The following PBRM1 variants were observed in gnomAD, a reference collection of about 807,000 sequenced individuals.
PBRM1 encodes the protein protein polybromo-1.
A neutral mutation model predicts 194.5 loss-of-function variants in PBRM1; 27 were observed. The ratio of observed to expected loss-of-function variants is 0.14; its 90% confidence interval spans 0.10 to 0.19. The LOEUF is 0.19. Ranked by LOEUF, PBRM1 falls within the 10% of genes least tolerant of loss-of-function variation. The pLI, the probability that PBRM1 is intolerant of heterozygous loss-of-function variation, is 1.00. For missense variants in PBRM1, 1,466 were observed against 2,077.2 expected, an observed-to-expected ratio of 0.71 and a Z score of 5.72; for synonymous variants, 655 against 693.2, an observed-to-expected ratio of 0.94 and a Z score of 0.87.
rs35225119 is a variant in PBRM1, at chr3:52,589,449, A to T, written c.2780-194T>A. ...TAGCCTCTACTCAAAACTATCTTTG[A>T]ATTACAACCATCATTAATTTAAATG... On this transcript the variant is annotated intron_variant, in intron 17 of 29. Transcript: ENST00000296302. 0.06 allele frequency among the ~76,000 whole-genome samples: 9,111 copies of T among 152,322 alleles called. 360 individuals carry two copies. The highest frequency in any genetic ancestry group is 0.084 in the Non-Finnish European group (5,746 of 68,024).
At chr3:52,641,330 CCA>C (rs1200499549) in intron 10 of PBRM1, among the ~76,000 whole-genome samples, 1 of 150,892 alleles carries the variant, frequency 6.6e-6, no homozygotes, top group Non-Finnish European at 1.5e-5. Context: ...GTCTGTAGTC[CCA>C]GTTACTCAGG....
chr3:52,653,097 T>C (rs1427868879), intron 5 of PBRM1, among the ~76,000 whole-genome samples: 1 of 152,212 alleles, frequency 6.6e-6, no homozygotes, highest in African/African-American at 2.4e-5. Context: ...AAATGCTCTT[T>C]AGGAGTTTGT....
At chr3:52,684,159 C>A (rs1489037792), upstream of PBRM1, among the ~76,000 whole-genome samples, 3 of 104,318 alleles carry the variant, frequency 2.9e-5, no homozygotes, top group African/African-American at 3.9e-5. Context: ...CAAAGTCAGA[C>A]CTTGTCTCAA....
intron 20 of PBRM1, 78 bp downstream of exon 22, chr3:52,586,347 G>A (rs2092390739): frequency 8.1e-7 from 1 of 1,233,054 alleles, no homozygotes; most frequent in African/African-American, 1.5e-5. Flanking sequence ...TTCTAAGTTT[G>A]AATACTTTAT....
chr3:52,557,054 C>T (rs1299535236), intron 26 of PBRM1, among the ~76,000 whole-genome samples: 3 of 151,816 alleles, frequency 2.0e-5, no homozygotes, highest in South Asian at 2.1e-4. Context: ...ACAATGTCAA[C>T]GAGGGAATTC....
intron 15 of PBRM1, among the ~76,000 whole-genome samples, chr3:52,611,258 G>T (rs1398248273): frequency 1.3e-5 from 2 of 152,040 alleles, no homozygotes; most frequent in Non-Finnish European, 2.9e-5. Flanking sequence ...AGCTAATAAG[G>T]AATAAAATTA....
chr3:52,682,511 T>C (rs115986903), upstream of PBRM1, among the ~76,000 whole-genome samples: 156 of 152,252 alleles, frequency 1.0e-3, no homozygotes, highest in Non-Finnish European at 1.8e-3. Flanking sequence ...TATCCCAATA[T>C]CCTTGAATCA....
chr3:52,596,436 C>CAAAAAAAAAAAAAAAAAAAAAAAAAA (rs763007814), intron 17 of PBRM1, among the ~76,000 whole-genome samples: 1 of 50,340 alleles, frequency 2.0e-5, no homozygotes, highest in African/African-American at 8.3e-5. Flanking sequence ...GACTCCGTCT[C>CAAAAAAAAAAAAAAAAAAAAAAAAAA]AAAAAAAAAA....
At chr3:52,670,952 GAA>G (rs1243957886) in intron 2 of PBRM1, among the ~76,000 whole-genome samples, 2 of 152,206 alleles carry the variant, frequency 1.3e-5, no homozygotes, top group Non-Finnish European at 2.9e-5. Flanking sequence ...TACGAGAGCT[GAA>G]GTGTGTCATA....
chr3:52,570,897 T>G (rs1440496138), intron 22 of PBRM1, among the ~76,000 whole-genome samples: 3 of 151,720 alleles, frequency 2.0e-5, no homozygotes, highest in Admixed American at 6.6e-5. Context: ...TTTCTTCGTT[T>G]TTTTTTTTTT....
chr3:52,636,528 C>A (rs964766288), intron 10 of PBRM1, among the ~76,000 whole-genome samples: 1 of 150,992 alleles, frequency 6.6e-6, no homozygotes, highest in African/African-American at 2.4e-5. Context: ...GAGGCCAAGG[C>A]GGGCAAATCA....
chr3:52,654,376 A>C (rs1187309546), intron 5 of PBRM1, among the ~76,000 whole-genome samples: 3 of 152,204 alleles, frequency 2.0e-5, no homozygotes, highest in Admixed American at 2.0e-4. Context: ...TTCTGAGAGA[A>C]AGTTCAGAGG....
chr3:52,643,225 AGACTAAACAC>A lies in PBRM1; in HGVS notation c.995+13_995+22del. 2 of 1,519,684 alleles carry A rather than the reference AGACTAAACAC, an allele frequency of 1.3e-6. No homozygotes were observed. Among genetic ancestry groups the A allele is most frequent in the Non-Finnish European group, 1.8e-6 (2 of 1,093,962 alleles). 94.1% of individuals were successfully genotyped at this position (1,519,684 alleles called of 1,614,324 possible). Reference sequence around the variant, plus strand: ...TCTTTATAAGCACAGGTCAACTCTCAGACTAAACACTCTTTTTCTCACCGGTAATACTTGC... The same window carrying A: ...TCTTTATAAGCACAGGTCAACTCTCATCTTTTTCTCACCGGTAATACTTGC... On this transcript the variant is annotated intron_variant, in intron 9 of 29. Coordinates refer to ENST00000296302, the Ensembl canonical transcript of PBRM1.
intron 10 of PBRM1, among the ~76,000 whole-genome samples, chr3:52,641,563 T>C (rs1302989409): frequency 2.6e-5 from 4 of 151,668 alleles, no homozygotes; most frequent in Non-Finnish European, 2.9e-5. Context: ...GGGAAAATAT[T>C]ATATCAAACT....
chr3:52,587,402 T>C (rs2153789222), exon 19 of PBRM1: 6 of 1,610,502 alleles, frequency 3.7e-6, no homozygotes, highest in African/African-American at 2.7e-5. Context: ...AACTGGAACT[T>C]TGTTGTAATA....
intron 25 of PBRM1, 76 bp from the exon 28 acceptor site, chr3:52,558,489 A>G (rs1189562171): frequency 1.9e-5 from 23 of 1,235,950 alleles, no homozygotes; most frequent in Non-Finnish European, 2.4e-5. Context: ...ATTCAACAGG[A>G]CTAGTAAAAA....
At chr3:52,591,848 TTGCTCTGA>T (rs2093098211) in intron 17 of PBRM1, among the ~76,000 whole-genome samples, 1 of 133,372 alleles carries the variant, frequency 7.5e-6, no homozygotes, top group South Asian at 2.5e-4. Flanking sequence ...TGACATAGTC[TTGCTCTGA>T]TGCTCTGATG....
At chr3:52,592,130 T>TTG (rs1046504005) in intron 17 of PBRM1, among the ~76,000 whole-genome samples, 1 of 149,098 alleles carries the variant, frequency 6.7e-6, no homozygotes, top group African/African-American at 2.5e-5. Context: ...AGGTTTTTTT[T>TTG]TTTTTTTTTT....
intron 22 of PBRM1, among the ~76,000 whole-genome samples, chr3:52,574,747 A>G (rs1364595813): frequency 6.6e-6 from 1 of 152,192 alleles, no homozygotes; most frequent in Non-Finnish European, 1.5e-5. Context: ...TGAGTGTTGA[A>G]GGTGTGCTCC....
Sources: allele counts gnomAD v4.1 joint callset (sites outside exome capture counted in the v4.1 genomes callset), GRCh38; gene constraint gnomAD v4.1.1; transcripts MANE v1.5; gene names NCBI Gene and HGNC (gene_info 2026-07-23, HGNC 2026-07-21).